The following ACVR2B variants were observed in gnomAD, a reference collection of about 807,000 sequenced individuals.
The protein encoded by ACVR2B is activin A receptor type 2B, also known as activin receptor type-2B.
ACVR2B carries 18 observed loss-of-function variants against 65.1 expected under a neutral mutation model. That is an observed-to-expected ratio of 0.28 (90% CI 0.19 to 0.41). ACVR2B has a LOEUF of 0.41. ACVR2B is among the 10% of genes least tolerant of loss of function. ACVR2B has a pLI of 1.00. For missense variants in ACVR2B, 482 were observed against 682.7 expected (o/e 0.71, Z 3.28); for synonymous variants, 298 against 277.7 (o/e 1.07, Z -0.73).
chr3:38,477,581 TG>T lies in ACVR2B; in HGVS notation c.260+90del. ...CCATTTGGGTCTCAGGATGTCTGAG[TG>T]GGAGATAAAGGACCAAGAAGGGGCT... is the stretch of plus-strand genomic sequence containing the variant. On this transcript the variant is annotated intron_variant, in intron 2 of 10. Coordinates refer to ENST00000352511, the MANE Select transcript of ACVR2B (RefSeq NM_001106.4). The surrounding 1 kb of genome is among the most constrained non-coding windows in gnomAD (Gnocchi z 6.7). 1 of 1,468,558 alleles carries T rather than the reference TG, an allele frequency of 6.8e-7. No homozygotes were observed. The highest frequency in any genetic ancestry group is 9.4e-7 in the Non-Finnish European group (1 of 1,068,154). The allele number at this position is 1,468,558 out of a possible 1,614,324, so 91.0% of individuals were successfully genotyped here. A position where few individuals can be genotyped will look rare whatever the true frequency, so the allele number is the denominator to read the frequency against.
intron 1 of ACVR2B, among the ~76,000 whole-genome samples, chr3:38,456,628 A>G (rs768036853): frequency 6.6e-6 from 1 of 151,644 alleles, no homozygotes; most frequent in Non-Finnish European, 1.5e-5. Context: ...GGGTGCTGGC[A>G]TGGTTGGGTT....
chr3:38,478,401 T>C lies in ACVR2B; in HGVS notation c.549T>C (p.Pro183=), dbSNP rs781560156. 2 of 1,614,084 alleles carry C rather than the reference T, an allele frequency of 1.2e-6. No homozygotes were observed. Among genetic ancestry groups the C allele is most frequent in the Non-Finnish European group, 1.7e-6 (2 of 1,179,984 alleles). The part of the protein sequence containing the change: ...HEDPGPPPPS[P]LVGLKPLQLL... ...ACCCTGGGCCTCCACCACCATCCCC[T>C]CTGGTGGGCCTGAAGCCACTGCAGC... The change falls in exon 5 of 11, where the codon CCT becomes CCC. Residue 183 remains proline, a synonymous_variant. Transcript: ENST00000352511.
intron 10 of ACVR2B, 28 bp downstream of exon 10, chr3:38,482,588 C>T: frequency 1.2e-6 from 2 of 1,605,136 alleles, no homozygotes; most frequent in Non-Finnish European, 1.7e-6. Context: ...GGCAACTTTG[C>T]AGGGGGGTGG....
rs1384336597 is a variant in ACVR2B at position 38,489,812 on chromosome 3, C to G, written c.*6480C>G. ...TGAGTAATCCACCAGACTGAATTATCTAAGATCACATTATCCAGGTTGGGG... is the reference window on the plus strand; with the variant it reads ...TGAGTAATCCACCAGACTGAATTATGTAAGATCACATTATCCAGGTTGGGG... On this transcript the variant is annotated 3_prime_UTR_variant, in exon 11 of 11. Coordinates refer to ENST00000352511, the MANE Select transcript of ACVR2B (RefSeq NM_001106.4). 2 of 152,194 alleles carry G rather than the reference C, an allele frequency of 1.3e-5. No homozygotes were observed. The highest frequency in any genetic ancestry group is 2.9e-5 in the Non-Finnish European group (2 of 68,036). The allele number at this position is 152,194 out of a possible 1,614,324, so 9.4% of individuals were successfully genotyped here.
chr3:38,466,830 A>G (rs767008044), intron 1 of ACVR2B, among the ~76,000 whole-genome samples: 4 of 152,170 alleles, frequency 2.6e-5, no homozygotes, highest in Non-Finnish European at 5.9e-5. Context: ...AAGAATGAAC[A>G]TGTCAAGGAA....
intron 1 of ACVR2B, among the ~76,000 whole-genome samples, chr3:38,455,306 A>G (rs1709529323): frequency 6.6e-6 from 1 of 151,994 alleles, no homozygotes; most frequent in Non-Finnish European, 1.5e-5. Flanking sequence ...GTCCTGGGAA[A>G]CGTGGGGAGC....
rs559721716 is a variant in ACVR2B at position 38,459,485 on chromosome 3, G to A, written c.52+5111G>A. ...TTGCTGGGGACTCTCTGCCTGCCCA[G>A]CAGCCCCTCTCTGCTCACCTGGGGG... On this transcript the variant is annotated intron_variant, in intron 1 of 10. Coordinates refer to ENST00000352511, the MANE Select transcript of ACVR2B (RefSeq NM_001106.4). 1.9e-4 allele frequency: 111 copies of A among 590,910 alleles called. 4 individuals are homozygous for A. In the South Asian group the frequency reaches 5.6e-3, roughly 30 times the overall value. The allele number at this position is 590,910 out of a possible 1,614,324, so 36.6% of individuals were successfully genotyped here.
At chr3:38,456,988 C>T (rs1709561034) in intron 1 of ACVR2B, among the ~76,000 whole-genome samples, 1 of 152,136 alleles carries the variant, frequency 6.6e-6, no homozygotes, top group South Asian at 2.1e-4. Context: ...GGGAGGATCA[C>T]GAGGTCAAGA....
chr3:38,474,858 A>C (rs2125720563), intron 1 of ACVR2B: 1 of 152,438 alleles, frequency 6.6e-6, no homozygotes, highest in South Asian at 2.1e-4. Flanking sequence ...GGGTAACCTT[A>C]CGGCCAGAGG....
intron 1 of ACVR2B, among the ~76,000 whole-genome samples, chr3:38,468,183 G>A (rs1709763591): frequency 6.6e-6 from 1 of 152,156 alleles, no homozygotes; most frequent in Non-Finnish European, 1.5e-5. Context: ...CGGGCCTGAT[G>A]TAAGAATTCT....
At chr3:38,468,082 G>A (rs1406867005) in intron 1 of ACVR2B, among the ~76,000 whole-genome samples, 1 of 152,098 alleles carries the variant, frequency 6.6e-6, no homozygotes, top group African/African-American at 2.4e-5. Flanking sequence ...GTCTCACCAT[G>A]TTGCCCAGGC....
At chr3:38,469,266 A>G (rs1057427143) in intron 1 of ACVR2B, among the ~76,000 whole-genome samples, 4 of 152,234 alleles carry the variant, frequency 2.6e-5, no homozygotes, top group African/African-American at 9.6e-5. Context: ...AAGGAGCTGG[A>G]AACTAGAGCT....
intron 1 of ACVR2B, among the ~76,000 whole-genome samples, chr3:38,458,374 G>T (rs902365690): frequency 6.6e-6 from 1 of 152,222 alleles, no homozygotes. Flanking sequence ...TGTGTACATT[G>T]TATGCACCCA....
chr3:38,479,250 C>T lies in ACVR2B; in HGVS notation c.789C>T (p.Leu263=), dbSNP rs1449307571. 6.2e-6 allele frequency: 10 copies of T among 1,614,032 alleles called. No homozygotes were observed. Among genetic ancestry groups the T allele is most frequent in the Non-Finnish European group, 8.5e-6 (10 of 1,180,028 alleles). Residue 263 remains leucine (L), a synonymous_variant, in exon 6 of 11, where the codon CTC becomes CTT. Transcript: ENST00000352511. ...CCAACCTCGAAGTAGAGCTGTGGCT[C>T]ATCACGGCCTTCCATGACAAGGTGA... ...RGSNLEVELW[L]ITAFHDKGSL...
intron 1 of ACVR2B, among the ~76,000 whole-genome samples, chr3:38,471,743 G>GGGTA (rs1379794735): frequency 1.3e-5 from 2 of 152,156 alleles, no homozygotes; most frequent in Non-Finnish European, 2.9e-5. Context: ...TAAGTAACTT[G>GGGTA]GGTAGGTTAC....
At chr3:38,455,635 C>T (rs1008893122) in intron 1 of ACVR2B, among the ~76,000 whole-genome samples, 5 of 152,086 alleles carry the variant, frequency 3.3e-5, no homozygotes, top group Non-Finnish European at 4.4e-5. Flanking sequence ...GTAGCGCGCG[C>T]GCGCGCAGCC....
rs59343196 is a variant in ACVR2B, at chr3:38,485,666, CTTTTTTTTTTT to C, written c.*2351_*2361del. The stretch of plus-strand genomic sequence containing the variant: ...ACAGGGTTTCGGTAAGCTATGTTGT[CTTTTTTTTTTT>C]TTTTTTTTTTTTTTTTAATGGTTTG... On this transcript the variant is annotated 3_prime_UTR_variant, in exon 11 of 11. Coordinates refer to ENST00000352511, the MANE Select transcript of ACVR2B (RefSeq NM_001106.4). 832 of 39,816 alleles carry C rather than the reference CTTTTTTTTTTT, an allele frequency of 0.021. 20 individuals are homozygous for C. The highest frequency in any genetic ancestry group is 0.085 in the African/African-American group (776 of 9,152). The allele number at this position is 39,816 out of a possible 1,614,324, so 2.5% of individuals were successfully genotyped here.
At position 38,477,584 on chromosome 3, in the gene ACVR2B, G is replaced by A. The variant is rs1709934566; in HGVS notation, c.260+90G>A. The A allele has an allele frequency of 6.9e-7, 1 of 1,443,176 alleles. No homozygotes were observed. 89.4% of individuals were successfully genotyped at this position (1,443,176 alleles called of 1,614,324 possible). ...TTTGGGTCTCAGGATGTCTGAGTGG[G>A]AGATAAAGGACCAAGAAGGGGCTCT... is the stretch of plus-strand genomic sequence containing the variant. On this transcript the variant is annotated intron_variant, in intron 2 of 10. Transcript: ENST00000352511. This position sits in a 1 kb window ranked among gnomAD's most constrained non-coding sequence, Gnocchi z 6.7.
rs1710149110 is a variant in ACVR2B, at chr3:38,487,851, T to C, written c.*4519T>C. 1 of 152,218 alleles carries C rather than the reference T, an allele frequency of 6.6e-6. No homozygotes were observed. Among genetic ancestry groups the C allele is most frequent in the African/African-American group, 2.4e-5 (1 of 41,452 alleles). The allele number at this position is 152,218 out of a possible 1,614,324, so 9.4% of individuals were successfully genotyped here. A position where few individuals can be genotyped will look rare whatever the true frequency, so the allele number is the denominator to read the frequency against. On this transcript the variant is annotated 3_prime_UTR_variant, in exon 11 of 11. Transcript: ENST00000352511. ...TTATTTCACTAGAAAAATATACTAA[T>C]TGGAAAGCAGTTTCCAGGAGTTAAC...
Sources: gnomAD v4.1 joint callset for allele counts (sites outside exome capture counted in the v4.1 genomes callset) on GRCh38, gnomAD v4.1.1 for gene constraint, Gnocchi (gnomAD v3.1) non-coding constraint, MANE v1.5 for transcripts, NCBI Gene and HGNC (gene_info 2026-07-23, HGNC 2026-07-21) for gene names.